Variants in DCHS1 observed in about 807,000 individuals in gnomAD.
DCHS1 encodes protocadherin-16.
DCHS1 carries 78 observed loss-of-function variants against 213.9 expected under a neutral mutation model. The ratio of observed to expected loss-of-function variants is 0.36; its 90% CI spans 0.30 to 0.44. DCHS1 has a LOEUF of 0.44. Ranked by LOEUF, DCHS1 falls within the 20% of genes least tolerant of loss-of-function variation. The probability of loss-of-function intolerance (pLI) is 1.00; values close to 1 mark genes in which losing one functional copy is unlikely to be tolerated. For missense variants in DCHS1, 3,946 were observed against 4,395.9 expected (o/e 0.90, Z 2.89); for synonymous variants, 1,828 against 1,873.7 (o/e 0.98, Z 0.63).
chr11:6,642,943 T>A (rs747911590), intron 1 of DCHS1, among the ~76,000 whole-genome samples: 2 of 152,004 alleles, frequency 1.3e-5, no homozygotes, highest in Non-Finnish European at 2.9e-5. Flanking sequence ...AGTGGATAGG[T>A]CTCTGGTGGG....
intron 2 of DCHS1, among the ~76,000 whole-genome samples, chr11:6,637,616 A>C (rs1365374035): frequency 6.6e-6 from 1 of 150,840 alleles, no homozygotes; most frequent in Non-Finnish European, 1.5e-5. Flanking sequence ...TGTGCACCTC[A>C]CCTCTGCTTG....
chr11:6,623,816 C>T lies in DCHS1; in HGVS notation c.7860G>A (p.Glu2620=). The T allele has an allele frequency of 6.2e-7, 1 of 1,613,814 alleles. No homozygotes were observed. The highest frequency in any genetic ancestry group is 1.1e-5 in the South Asian group (1 of 91,092). Residue 2620 remains glutamate, a synonymous_variant, in exon 21 of 21, where the codon GAG becomes GAA. Transcript: ENST00000299441. The part of the protein sequence containing the change: ...TVPEDTPVGA[E]LLHVEASDAD... ...CGTCAGAGGCCTCTACATGCAGCAG[C>T]TCAGCTCCAACAGGTGTGTCCTCAG...
In DCHS1 at chr11:6,629,731, C is replaced by T. The variant is rs765086823; in HGVS notation, c.4976G>A (p.Arg1659His). 6.2e-7 allele frequency: 1 copy of T among 1,613,868 alleles called. No homozygotes were observed. Among genetic ancestry groups the T allele is most frequent in the Non-Finnish European group, 8.5e-7 (1 of 1,179,866 alleles). The change falls in exon 11 of 21, where the codon CGT (arginine) becomes CAT (histidine). Residue 1659 changes from arginine to histidine, a missense_variant. Arg to His is a conservative substitution (Grantham distance 29, BLOSUM62 0). Coordinates refer to ENST00000299441, the MANE Select transcript of DCHS1 (RefSeq NM_003737.4). ...AGATGTGCCAGGAGGGTTGTTCTCA[C>T]GCAAGAGGACGCTGTACTCCTGCTG... ...FQQQEYSVLL[R>H]ENNPPGTSLL... is the part of the protein sequence containing the mutation.
chr11:6,631,269 G>A (rs369471557), intron 8 of DCHS1, 42 bp downstream of exon 8: 48 of 1,613,744 alleles, frequency 3.0e-5, no homozygotes, highest in Admixed American at 5.0e-5. Flanking sequence ...GGCCATGAGG[G>A]CATGCCATCA....
chr11:6,641,767 G>A lies in DCHS1; in HGVS notation c.-120-34C>T. 7.0e-7 allele frequency: 1 copy of A among 1,425,514 alleles called. No individual in the cohort carries two copies. The highest frequency in any genetic ancestry group is 1.4e-5 in the African/African-American group (1 of 69,546). 88.3% of individuals were successfully genotyped at this position (1,425,514 alleles called of 1,614,324 possible). A position where few individuals can be genotyped will look rare whatever the true frequency, so the allele number is the denominator to read the frequency against. On this transcript the variant is annotated intron_variant, in intron 1 of 20. Coordinates refer to ENST00000299441, the MANE Select transcript of DCHS1 (RefSeq NM_003737.4). This position sits in a 1 kb window ranked among gnomAD's most constrained non-coding sequence, Gnocchi z 7.1. The stretch of plus-strand genomic sequence containing the variant: ...AAACAGAAGGAAACGGGTCATGACA[G>A]AGGAGGGATCAGCAGTCCAGATAAC...
Position 6,632,552 on chromosome 11 carries a change from A to G in DCHS1, c.2960T>C (p.Val987Ala). 1 of 1,524,344 alleles carries G rather than the reference A, an allele frequency of 6.6e-7. No individual in the cohort carries two copies. The highest frequency in any genetic ancestry group is 8.8e-7 in the Non-Finnish European group (1 of 1,132,924). The allele number at this position is 1,524,344 out of a possible 1,614,324, so 94.4% of individuals were successfully genotyped here. A position where few individuals can be genotyped will look rare whatever the true frequency, so the allele number is the denominator to read the frequency against. The change falls in exon 6 of 21, where the codon GTG becomes GCG. Residue 987 changes from valine to alanine, a missense_variant. By Grantham distance (64) the Val-to-Ala change is moderately conservative (BLOSUM62 0). Coordinates refer to ENST00000299441, the MANE Select transcript of DCHS1 (RefSeq NM_003737.4). The surrounding 1 kb of genome is among the most constrained non-coding windows in gnomAD (Gnocchi z 5.9). ...PRTSHFRLRV[V>A]VQDVGTRGLA... ...CCCACGGGTTCCCACATCCTGTACCACCACCCGTAGTCGAAAGTGGCTGGT... is the reference window on the plus strand; with the variant it reads ...CCCACGGGTTCCCACATCCTGTACCGCCACCCGTAGTCGAAAGTGGCTGGT...
At position 6,655,603 on chromosome 11, in the gene DCHS1, C is replaced by T; in HGVS notation, c.-161G>A. The T allele has an allele frequency of 3.1e-6, 3 of 980,100 alleles. No homozygotes were observed. Among genetic ancestry groups the T allele is most frequent in the Non-Finnish European group, 3.6e-6 (3 of 827,902 alleles). 60.7% of individuals were successfully genotyped at this position (980,100 alleles called of 1,614,324 possible). A position where few individuals can be genotyped will look rare whatever the true frequency, so the allele number is the denominator to read the frequency against. Reference sequence around the variant, plus strand: ...GCTCCCTCGCCCGGTGCTGGGGCGCCGTCCGGCCGCGGTCAGCCCCCCGGG... The same window carrying T: ...GCTCCCTCGCCCGGTGCTGGGGCGCTGTCCGGCCGCGGTCAGCCCCCCGGG... On this transcript the variant is annotated 5_prime_UTR_variant, in exon 1 of 21. Coordinates refer to ENST00000299441, the MANE Select transcript of DCHS1 (RefSeq NM_003737.4).
intron 1 of DCHS1, among the ~76,000 whole-genome samples, chr11:6,644,143 CT>C (rs1856121634): frequency 6.6e-6 from 1 of 152,234 alleles, no homozygotes; most frequent in Non-Finnish European, 1.5e-5. Context: ...CACCAAACCA[CT>C]CCTGATGAAA....
rs1856052872 is a variant in DCHS1, at chr11:6,640,470, C to G, written c.1144G>C (p.Gly382Arg). The G allele has an allele frequency of 6.2e-7, 1 of 1,613,712 alleles. No individual in the cohort carries two copies. Among genetic ancestry groups the G allele is most frequent in the Non-Finnish European group, 8.5e-7 (1 of 1,179,880 alleles). Residue 382 changes from glycine (G) to arginine (R), a missense_variant, in exon 2 of 21, where the codon GGA becomes CGA. By Grantham distance (125) the Gly-to-Arg change is moderately radical. Coordinates refer to ENST00000299441, the MANE Select transcript of DCHS1 (RefSeq NM_003737.4). The surrounding 1 kb of genome is among the most constrained non-coding windows in gnomAD (Gnocchi z 6.5). Reference sequence around the variant, plus strand: ...ACAGAGATGCGAGCAACGAGCTGTCCAGGTGGGGCGGCCTCAGACACTTGG... The same window carrying G: ...ACAGAGATGCGAGCAACGAGCTGTCGAGGTGGGGCGGCCTCAGACACTTGG... ...SPQVSEAAPP[G>R]QLVARISVSD...
At position 6,625,364 on chromosome 11, in the gene DCHS1, T is replaced by A; in HGVS notation, c.6980A>T (p.Tyr2327Phe). 2 of 1,613,548 alleles carry A rather than the reference T, an allele frequency of 1.2e-6. No individual in the cohort carries two copies. Among genetic ancestry groups the A allele is most frequent in the Non-Finnish European group, 1.7e-6 (2 of 1,179,744 alleles). Reference sequence around the variant, plus strand: ...CCCCGTGAGGGAGACACGGCCTCCATAGCGGCCAACACTGAAGGGATCCTG... The same window carrying A: ...CCCCGTGAGGGAGACACGGCCTCCAAAGCGGCCAACACTGAAGGGATCCTG... Reference protein sequence around the residue: ...GPQDPFSVGRYGGRVSLTGPL... With the variant: ...GPQDPFSVGRFGGRVSLTGPL... Residue 2327 changes from tyrosine to phenylalanine, a missense_variant, in exon 19 of 21, where the codon TAT becomes TTT. This residue lies in a region of DCHS1 where 3,384 missense variants were observed against 3,780.1 expected (regional missense o/e 0.90). Coordinates refer to ENST00000299441, the MANE Select transcript of DCHS1 (RefSeq NM_003737.4). This position sits in a 1 kb window ranked among gnomAD's most constrained non-coding sequence, Gnocchi z 5.3.
chr11:6,624,806 C>A lies in DCHS1; in HGVS notation c.7209G>T (p.Arg2403=), dbSNP rs1382371213. ...SAILSVSATD[R]DSGANGHISY... ...AAATGTGACCGTTGGCACCTGAGTC[C>A]CGATCAGTGGCAGAGACGGAGAGAA... Residue 2403 remains arginine, a synonymous_variant, in exon 20 of 21, where the codon CGG becomes CGT. Transcript: ENST00000299441. The A allele has an allele frequency of 1.2e-6, 2 of 1,613,888 alleles. No individual in the cohort carries two copies. The highest frequency in any genetic ancestry group is 3.3e-5 in the Admixed American group (2 of 60,016).
Position 6,625,434 on chromosome 11 carries a change from C to G in DCHS1, c.6910G>C (p.Asp2304His). ...EIAQVTGNDV[D>H]SGPVLWYVLS... ...ACATACCACAGCACGGGTCCTGAGT[C>G]CACATCATTCCCTGTTACCTGTGCA... is the stretch of plus-strand genomic sequence containing the variant. The change falls in exon 19 of 21, where the codon GAC becomes CAC. Residue 2304 changes from aspartate (D) to histidine (H), a missense_variant. Transcript: ENST00000299441. The surrounding 1 kb of genome is among the most constrained non-coding windows in gnomAD (Gnocchi z 5.3). The G allele has an allele frequency of 6.2e-7, 1 of 1,601,758 alleles. No individual in the cohort carries two copies. Among genetic ancestry groups the G allele is most frequent in the Non-Finnish European group, 8.5e-7 (1 of 1,173,010 alleles).
intron 20 of DCHS1, among the ~76,000 whole-genome samples, 162 bp from the exon 21 acceptor site, chr11:6,624,552 G>T (rs1855762825): frequency 6.6e-6 from 1 of 152,244 alleles, no homozygotes. Flanking sequence ...ACAGCTTAGG[G>T]AACAGCTTCT....
Position 6,627,342 on chromosome 11 carries a change from T to C in DCHS1, c.5697A>G (p.Ala1899=), listed in dbSNP as rs11040936. 7.7e-3 allele frequency: 12,456 copies of C among 1,608,894 alleles called. 816 individuals are homozygous for C. The East Asian group carries it at 0.17, about 22-fold the overall frequency. Residue 1899 remains alanine (A), a synonymous_variant, in exon 14 of 21, where the codon GCA becomes GCG. Coordinates refer to ENST00000299441, the MANE Select transcript of DCHS1 (RefSeq NM_003737.4). This position sits in a 1 kb window ranked among gnomAD's most constrained non-coding sequence, Gnocchi z 5.4. ...AGCTGGGCTCCAGCAGGAAGGCTCC[T>C]GCTGTACCGGCGCCCAGGTAGTAGG... The part of the protein sequence containing the change: ...HVTYYLGAGT[A]GAFLLEPSSG...
In DCHS1 at chr11:6,626,793, G is replaced by A. The variant is rs1589954166; in HGVS notation, c.6246C>T (p.Pro2082=). The change falls in exon 14 of 21, where the codon CCC becomes CCT. Residue 2082 remains proline, a synonymous_variant. Coordinates refer to ENST00000299441, the MANE Select transcript of DCHS1 (RefSeq NM_003737.4). This position sits in a 1 kb window ranked among gnomAD's most constrained non-coding sequence, Gnocchi z 5.2. ...SSEATIRENA[P]PGTPIVSPRA... is the part of the protein sequence containing the mutation. ...AAGAAATGGCTGGGGACCCACCTGG[G>A]GGCGCATTCTCACGAATCGTAGCCT... 3.7e-6 allele frequency: 6 copies of A among 1,611,600 alleles called. No homozygotes were observed. The highest frequency in any genetic ancestry group is 1.1e-5 in the South Asian group (1 of 91,076).
At position 6,630,839 on chromosome 11, in the gene DCHS1, C is replaced by T. The variant is rs756975234; in HGVS notation, c.3955G>A (p.Glu1319Lys). The T allele has an allele frequency of 1.9e-5, 29 of 1,526,610 alleles. No individual in the cohort carries two copies. In the Admixed American group the frequency reaches 2.7e-4, roughly 14 times the overall value. The allele number at this position is 1,526,610 out of a possible 1,614,324, so 94.6% of individuals were successfully genotyped here. The change falls in exon 10 of 21, where the codon GAG becomes AAG. Residue 1319 changes from glutamate (E) to lysine (K), a missense_variant. By Grantham distance (56) the Glu-to-Lys change is moderately conservative. Coordinates refer to ENST00000299441, the MANE Select transcript of DCHS1 (RefSeq NM_003737.4). ...CGCTCTGCGAGATCTGGGGGCGGCT[C>T]GGCCAAGCGAGCTGAGGGAAGCACC... ...VQVLPSARLA[E>K]PPPDLAERDP... is the part of the protein sequence containing the mutation.
rs747937249 is a variant in DCHS1 at position 6,623,472 on chromosome 11, G to A, written c.8204C>T (p.Ala2735Val). The part of the protein sequence containing the change: ...VTTLHAIDGD[A>V]GAFGRLRYSL... The stretch of plus-strand genomic sequence containing the variant: ...GTAACGGAGCCTCCCAAAAGCCCCA[G>A]CATCCCCGTCGATTGCATGCAGAGT... The change falls in exon 21 of 21, where the codon GCT (alanine) becomes GTT (valine). Residue 2735 changes from alanine to valine, a missense_variant. Physicochemically the swap from Ala to Val is moderately conservative, Grantham distance 64. Transcript: ENST00000299441. The A allele has an allele frequency of 1.9e-6, 3 of 1,583,730 alleles. No individual in the cohort carries two copies. Among genetic ancestry groups the A allele is most frequent in the Non-Finnish European group, 2.6e-6 (3 of 1,164,958 alleles).
Position 6,627,132 on chromosome 11 carries a change from C to A in DCHS1, c.5907G>T (p.Leu1969=). ...TACTGAAGCTGGGGCCTGGGCGGGG[C>A]AGACGTAGGCGCAGAGGACTGGTGG... The part of the protein sequence containing the change: ...TFPTSPLRLR[L]PRPGPSFSTP... The change falls in exon 14 of 21, where the codon CTG becomes CTT. Residue 1969 remains leucine (L), a synonymous_variant. Coordinates refer to ENST00000299441, the MANE Select transcript of DCHS1 (RefSeq NM_003737.4). The surrounding 1 kb of genome is among the most constrained non-coding windows in gnomAD (Gnocchi z 5.4). The A allele has an allele frequency of 2.5e-6, 4 of 1,612,618 alleles. No individual in the cohort carries two copies. Among genetic ancestry groups the A allele is most frequent in the Non-Finnish European group, 3.4e-6 (4 of 1,179,256 alleles).
chr11:6,633,999 A>T lies in DCHS1; in HGVS notation c.2008T>A (p.Tyr670Asn). 6.2e-7 allele frequency: 1 copy of T among 1,613,974 alleles called. No homozygotes were observed. The highest frequency in any genetic ancestry group is 8.5e-7 in the Non-Finnish European group (1 of 1,179,870). The change falls in exon 4 of 21, where the codon TAT becomes AAT. Residue 670 changes from tyrosine (Y) to asparagine (N), a missense_variant. Physicochemically the swap from Tyr to Asn is moderately radical, Grantham distance 143. Around this residue, in one of 3 missense-constraint regions of DCHS1, gnomAD observed 3,384 missense variants for 3,780.1 expected, o/e 0.90. Transcript: ENST00000299441. ...TCGTCTGACAGAAACACCTTCACAT[A>T]TACCATGGACTTGAGGCCTCCCTGG... Reference protein sequence around the residue: ...VDGGGLKSMVYVKVFLSDEND... With the variant: ...VDGGGLKSMVNVKVFLSDEND...
Sources: gnomAD v4.1 joint callset for allele counts (sites outside exome capture counted in the v4.1 genomes callset) on GRCh38, gnomAD v4.1.1 for gene constraint, gnomAD v4.1.1 regional missense constraint, Gnocchi (gnomAD v3.1) non-coding constraint, MANE v1.5 for transcripts, NCBI Gene and HGNC (gene_info 2026-07-23, HGNC 2026-07-21) for gene names.